Variants in TRIM11 observed in about 807,000 individuals in gnomAD.
TRIM11 encodes E3 ubiquitin-protein ligase TRIM11.
A neutral mutation model predicts 33.4 loss-of-function variants in TRIM11; 15 were observed. The ratio of observed to expected loss-of-function variants is 0.45; its 90% CI spans 0.30 to 0.69. The LOEUF is 0.69. Among genes scored for constraint, TRIM11 ranks in the 30% least tolerant of loss-of-function variants. TRIM11 has a pLI of 0.08. For synonymous variants in TRIM11, 281 were observed against 302.6 expected, an observed-to-expected ratio of 0.93 and a Z score of 0.74; for missense variants, 499 against 667.6, an observed-to-expected ratio of 0.75 and a Z score of 2.78.
At chr1:228,398,286 T>C (rs892545264) in intron 3 of TRIM11, among the ~76,000 whole-genome samples, 4 of 152,064 alleles carry the variant, frequency 2.6e-5, no homozygotes, top group Middle Eastern at 3.2e-3. Context: ...CAAAGGAAGA[T>C]TTCCACACAT....
At position 228,406,089 on chromosome 1, in the gene TRIM11, C is replaced by T; in HGVS notation, c.408+65G>A. On this transcript the variant is annotated intron_variant, in intron 1 of 5. Transcript: ENST00000284551. The surrounding 1 kb of genome is among the most constrained non-coding windows in gnomAD (Gnocchi z 8.2). ...CGGAGCAGTCCCCCAAACCTCCCAC[C>T]CGCCCAGGCCTCCCCAGTCCCCGGC... is the stretch of plus-strand genomic sequence containing the variant. 1 of 1,275,340 alleles carries T rather than the reference C, an allele frequency of 7.8e-7. No individual in the cohort carries two copies. Among genetic ancestry groups the T allele is most frequent in the Non-Finnish European group, 1.0e-6 (1 of 994,076 alleles). 79.0% of individuals were successfully genotyped at this position (1,275,340 alleles called of 1,614,324 possible).
chr1:228,404,183 T>C (rs1656321463), intron 1 of TRIM11: 1 of 152,380 alleles, frequency 6.6e-6, no homozygotes. Flanking sequence ...CTCCTTCCTG[T>C]GGCAAACCCC....
At chr1:228,399,899 A>C (rs1378684280) in intron 3 of TRIM11, among the ~76,000 whole-genome samples, 5 of 151,770 alleles carry the variant, frequency 3.3e-5, no homozygotes, top group Admixed American at 6.6e-5. Flanking sequence ...AACAAAAAAA[A>C]AAAAACAAAA....
Position 228,403,840 on chromosome 1 carries a change from A to T in TRIM11, c.409-1679T>A, listed in dbSNP as rs1186040462. 1 of 152,244 alleles carries T rather than the reference A, an allele frequency of 6.6e-6. No homozygotes were observed. The highest frequency in any genetic ancestry group is 2.4e-5 in the African/African-American group (1 of 41,456). 9.4% of individuals were successfully genotyped at this position (152,244 alleles called of 1,614,324 possible). A position where few individuals can be genotyped will look rare whatever the true frequency, so the allele number is the denominator to read the frequency against. On this transcript the variant is annotated intron_variant, in intron 1 of 5. Transcript: ENST00000284551. This position sits in a 1 kb window ranked among gnomAD's most constrained non-coding sequence, Gnocchi z 4.8. Reference sequence around the variant, plus strand: ...CAGCTAATTTTTGTATTTTTTGTACAGATGGGATTTCACCATGTTGGCCAG... The same window carrying T: ...CAGCTAATTTTTGTATTTTTTGTACTGATGGGATTTCACCATGTTGGCCAG...
intron 1 of TRIM11, chr1:228,402,704 C>T (rs1656276247): frequency 6.6e-6 from 1 of 152,486 alleles, no homozygotes; most frequent in Admixed American, 6.5e-5. Context: ...GTGACTAGGT[C>T]AGGAGGGCAG....
rs772128670 is a variant in TRIM11, at chr1:228,394,760, G to A, written c.1352C>T (p.Pro451Leu). The A allele has an allele frequency of 4.3e-6, 7 of 1,613,278 alleles. No homozygotes were observed. The highest frequency in any genetic ancestry group is 4.5e-5 in the East Asian group (2 of 44,834). The change falls in exon 6 of 6, where the codon CCG becomes CTG. Residue 451 changes from proline to leucine, a missense_variant. By Grantham distance (98) the Pro-to-Leu change is moderately conservative (BLOSUM62 -3). Coordinates refer to ENST00000284551, the MANE Select transcript of TRIM11 (RefSeq NM_145214.3). This position sits in a 1 kb window ranked among gnomAD's most constrained non-coding sequence, Gnocchi z 6.2. ...ACCTTTCGGCCGGCAGATAGTCATC[G>A]GGGTCGGGCTGCTGGACAGGGGTGA... is the stretch of plus-strand genomic sequence containing the variant. ...LFSPLSSSPTPMTICRPKGGS... is the reference protein window; with the variant it reads ...LFSPLSSSPTLMTICRPKGGS...
In TRIM11 at chr1:228,406,570, CAG is replaced by C; in HGVS notation, c.-11_-10del. On this transcript the variant is annotated 5_prime_UTR_variant, in exon 1 of 6. Coordinates refer to ENST00000284551, the MANE Select transcript of TRIM11 (RefSeq NM_145214.3). This position sits in a 1 kb window ranked among gnomAD's most constrained non-coding sequence, Gnocchi z 8.2. ...AGGTCGGGGGCGGCCATGGCGCGGA[CAG>C]AGGGGAGGAAGGCGGTACTGTCCGC... 1 of 1,506,248 alleles carries C rather than the reference CAG, an allele frequency of 6.6e-7. No homozygotes were observed. Among genetic ancestry groups the C allele is most frequent in the Non-Finnish European group, 8.9e-7 (1 of 1,123,666 alleles). 93.3% of individuals were successfully genotyped at this position (1,506,248 alleles called of 1,614,324 possible). A position where few individuals can be genotyped will look rare whatever the true frequency, so the allele number is the denominator to read the frequency against.
At position 228,397,062 on chromosome 1, in the gene TRIM11, C is replaced by A. The variant is rs1408039810; in HGVS notation, c.759-15G>T. 2 of 1,613,694 alleles carry A rather than the reference C, an allele frequency of 1.2e-6. No homozygotes were observed. Among genetic ancestry groups the A allele is most frequent in the Non-Finnish European group, 1.7e-6 (2 of 1,179,674 alleles). On this transcript the variant is annotated splice_polypyrimidine_tract_variant and intron_variant, in intron 4 of 5. Transcript: ENST00000284551. Reference sequence around the variant, plus strand: ...CATCCTGGACCCTAGAGGGGACAACCCAGGTGTTGTCGCCATGGCCAACAG... The same window carrying A: ...CATCCTGGACCCTAGAGGGGACAACACAGGTGTTGTCGCCATGGCCAACAG...
Position 228,394,894 on chromosome 1 carries a change from G to A in TRIM11, c.1218C>T (p.Ile406=), listed in dbSNP as rs760221582. ...PLRDPPRRVG[I]FLDYEAGHLS... is the part of the protein sequence containing the mutation. ...GATGTCCAGCCTCGTAGTCCAGAAAGATCCCCACGCGCCTGGGTGGGTCCC... is the reference window on the plus strand; with the variant it reads ...GATGTCCAGCCTCGTAGTCCAGAAAAATCCCCACGCGCCTGGGTGGGTCCC... Residue 406 remains isoleucine (I), a synonymous_variant, in exon 6 of 6, where the codon ATC becomes ATT. Coordinates refer to ENST00000284551, the MANE Select transcript of TRIM11 (RefSeq NM_145214.3). The surrounding 1 kb of genome is among the most constrained non-coding windows in gnomAD (Gnocchi z 6.2). The A allele has an allele frequency of 1.9e-6, 3 of 1,614,062 alleles. No homozygotes were observed. In the Admixed American group the frequency reaches 5.0e-5, roughly 27 times the overall value.
chr1:228,399,766 A>G (rs1336839356), intron 3 of TRIM11, among the ~76,000 whole-genome samples: 1 of 150,664 alleles, frequency 6.6e-6, no homozygotes, highest in Non-Finnish European at 1.5e-5. Flanking sequence ...CGGCACACGG[A>G]GTGGAGGAGC....
At chr1:228,398,573 T>C (rs1257363272) in intron 3 of TRIM11, among the ~76,000 whole-genome samples, 2 of 152,100 alleles carry the variant, frequency 1.3e-5, no homozygotes, top group Admixed American at 1.3e-4. Context: ...CATAATCACA[T>C]CACTGTACTC....
chr1:228,401,238 C>T lies in TRIM11; in HGVS notation c.505-44G>A, dbSNP rs1656210858. 6.3e-7 allele frequency: 1 copy of T among 1,582,150 alleles called. No homozygotes were observed. The highest frequency in any genetic ancestry group is 8.6e-7 in the Non-Finnish European group (1 of 1,161,756). On this transcript the variant is annotated intron_variant, in intron 2 of 5. Transcript: ENST00000284551. This position sits in a 1 kb window ranked among gnomAD's most constrained non-coding sequence, Gnocchi z 6.1. ...AGGACAGCTGAGGCCAGACCCCAGG[C>T]CCAGCCAGACCCCAAGTTTGGTCAG...
chr1:228,397,084 A>T (rs781121327), intron 4 of TRIM11, 37 bp from the exon 5 acceptor site: 2 of 1,613,830 alleles, frequency 1.2e-6, no homozygotes, highest in South Asian at 2.2e-5. Context: ...GCCATGGCCA[A>T]CAGCTGGGTC....
rs962624809 is a variant in TRIM11 at position 228,393,884 on chromosome 1, G to A, written c.*821C>T. On this transcript the variant is annotated 3_prime_UTR_variant, in exon 6 of 6. Coordinates refer to ENST00000284551, the MANE Select transcript of TRIM11 (RefSeq NM_145214.3). ...GAGACTGCAAGGCCGGCGGCCAGCA[G>A]TGCACATCCCCAAGCAGCAGCTGGG... 1.3e-5 allele frequency: 2 copies of A among 152,354 alleles called. No homozygotes were observed. The highest frequency in any genetic ancestry group is 3.9e-4 in the East Asian group (2 of 5,174). The allele number at this position is 152,354 out of a possible 1,614,324, so 9.4% of individuals were successfully genotyped here.
chr1:228,401,343 T>C lies in TRIM11; in HGVS notation c.505-149A>G. On this transcript the variant is annotated intron_variant, in intron 2 of 5. Coordinates refer to ENST00000284551, the MANE Select transcript of TRIM11 (RefSeq NM_145214.3). This position sits in a 1 kb window ranked among gnomAD's most constrained non-coding sequence, Gnocchi z 6.1. The stretch of plus-strand genomic sequence containing the variant: ...TAAAGCCAAAGCACAGCACCAGGTG[T>C]GGCAGGACCCCAAACCCACCACCTG... 1 of 1,024,504 alleles carries C rather than the reference T, an allele frequency of 9.8e-7. No individual in the cohort carries two copies. The highest frequency in any genetic ancestry group is 1.4e-6 in the Non-Finnish European group (1 of 717,486). 63.5% of individuals were successfully genotyped at this position (1,024,504 alleles called of 1,614,324 possible). A position where few individuals can be genotyped will look rare whatever the true frequency, so the allele number is the denominator to read the frequency against.
At position 228,403,485 on chromosome 1, in the gene TRIM11, G is replaced by C. The variant is rs1418636511; in HGVS notation, c.409-1324C>G. 1.3e-5 allele frequency: 2 copies of C among 152,304 alleles called. No homozygotes were observed. The highest frequency in any genetic ancestry group is 4.8e-5 in the African/African-American group (2 of 41,440). The allele number at this position is 152,304 out of a possible 1,614,324, so 9.4% of individuals were successfully genotyped here. A position where few individuals can be genotyped will look rare whatever the true frequency, so the allele number is the denominator to read the frequency against. On this transcript the variant is annotated intron_variant, in intron 1 of 5. Coordinates refer to ENST00000284551, the MANE Select transcript of TRIM11 (RefSeq NM_145214.3). The surrounding 1 kb of genome is among the most constrained non-coding windows in gnomAD (Gnocchi z 4.8). ...GTCTCTGCCTAGGCTCAGCTCTCAC[G>C]TGAGCTACAAGAACCCCAAATGGCG...
chr1:228,401,272 C>G lies in TRIM11; in HGVS notation c.505-78G>C. On this transcript the variant is annotated intron_variant, in intron 2 of 5. Transcript: ENST00000284551. The surrounding 1 kb of genome is among the most constrained non-coding windows in gnomAD (Gnocchi z 6.1). ...ACCCCAAGTTTGGTCAGACCCCAAGCCCACCCAGAGGCCTGGCTGCACCCA... is the reference window on the plus strand; with the variant it reads ...ACCCCAAGTTTGGTCAGACCCCAAGGCCACCCAGAGGCCTGGCTGCACCCA... 1 of 1,521,322 alleles carries G rather than the reference C, an allele frequency of 6.6e-7. No homozygotes were observed. The highest frequency in any genetic ancestry group is 8.9e-7 in the Non-Finnish European group (1 of 1,128,598). 94.2% of individuals were successfully genotyped at this position (1,521,322 alleles called of 1,614,324 possible). A position where few individuals can be genotyped will look rare whatever the true frequency, so the allele number is the denominator to read the frequency against.
intron 3 of TRIM11, among the ~76,000 whole-genome samples, chr1:228,398,461 A>AG (rs1261609482): frequency 2.6e-5 from 4 of 152,062 alleles, no homozygotes; most frequent in African/African-American, 9.7e-5. Context: ...CTAAAAAAAA[A>AG]TTTTAAAATT....
At position 228,406,730 on chromosome 1, in the gene TRIM11, G is replaced by T; in HGVS notation, c.-169C>A. On this transcript the variant is annotated 5_prime_UTR_variant, in exon 1 of 6. It adds an upstream start codon to the 5' untranslated region. Transcript: ENST00000284551. This position sits in a 1 kb window ranked among gnomAD's most constrained non-coding sequence, Gnocchi z 8.2. The stretch of plus-strand genomic sequence containing the variant: ...CGGGCTCCGGGGCGCGGGGACTCCA[G>T]GGCGCAGGACTCTGGGTTTCGGTAG... The T allele has an allele frequency of 1.8e-6, 1 of 556,454 alleles. No homozygotes were observed. The highest frequency in any genetic ancestry group is 2.7e-6 in the Non-Finnish European group (1 of 366,880). The allele number at this position is 556,454 out of a possible 1,614,324, so 34.5% of individuals were successfully genotyped here.
Sources: gnomAD v4.1 joint callset for allele counts (sites outside exome capture counted in the v4.1 genomes callset) on GRCh38, gnomAD v4.1.1 for gene constraint, Gnocchi (gnomAD v3.1) non-coding constraint, MANE v1.5 for transcripts, NCBI Gene and HGNC (gene_info 2026-07-23, HGNC 2026-07-21) for gene names.